Variants in MKLN1 observed in about 807,000 individuals in gnomAD.
The protein encoded by MKLN1 is muskelin.
Under a neutral mutation model 99.0 loss-of-function variants are expected in MKLN1, and 18 were observed. The observed-to-expected ratio is 0.18, with a 90% CI of 0.13 to 0.27. MKLN1 has a LOEUF of 0.27. Ranked by LOEUF, MKLN1 falls within the 10% of genes least tolerant of loss-of-function variation. MKLN1 has a pLI of 1.00. For missense variants in MKLN1, 621 were observed against 875.9 expected (o/e 0.71, Z 3.67); for synonymous variants, 288 against 293.2 (o/e 0.98, Z 0.18).
intron 4 of MKLN1, among the ~76,000 whole-genome samples, chr7:131,394,352 C>T (rs1794296034): frequency 6.6e-6 from 1 of 151,870 alleles, no homozygotes; most frequent in Non-Finnish European, 1.5e-5. Context: ...TTCTGTGGAC[C>T]CAGAAGTTGG....
chr7:131,387,336 C>A, intron 3 of MKLN1, 74 bp downstream of exon 3: 1 of 1,373,676 alleles, frequency 7.3e-7, no homozygotes. Flanking sequence ...AGCTAATCTG[C>A]ATGGTTTGAT....
chr7:131,487,547 C>T lies in MKLN1; in HGVS notation c.2087-60C>T. ...TAAAATACATTGCTGCTGGTCTCAA[C>T]TAGTTTTTCTGTTACATGTTTTAAA... On this transcript the variant is annotated intron_variant, in intron 17 of 17. Transcript: ENST00000352689. This position sits in a 1 kb window ranked among gnomAD's most constrained non-coding sequence, Gnocchi z 4.7. 6.4e-7 allele frequency: 1 copy of T among 1,560,572 alleles called. No homozygotes were observed.
intron 3 of MKLN1, among the ~76,000 whole-genome samples, chr7:131,322,865 C>T (rs1267911498): frequency 1.3e-5 from 2 of 152,132 alleles, no homozygotes; most frequent in South Asian, 2.1e-4. Context: ...CCACCGCGCC[C>T]GGCCACTGCC....
intron 12 of MKLN1, among the ~76,000 whole-genome samples, chr7:131,448,042 C>A (rs1365667749): frequency 6.6e-6 from 1 of 152,104 alleles, no homozygotes; most frequent in Non-Finnish European, 1.5e-5. Context: ...TCCTGGCTAA[C>A]GTGGTGAAAC....
At chr7:131,174,173 T>C (rs190621436) in intron 2 of MKLN1, among the ~76,000 whole-genome samples, 21 of 152,138 alleles carry the variant, frequency 1.4e-4, no homozygotes, top group Admixed American at 4.6e-4. Flanking sequence ...GGGGTTTCAC[T>C]GTGTTAACCA....
chr7:131,116,044 G>A (rs191012995), intron 1 of MKLN1, among the ~76,000 whole-genome samples: 1,682 of 152,250 alleles, frequency 0.011, 20 homozygotes, highest in Non-Finnish European at 0.017. Flanking sequence ...GGTGGCTCAC[G>A]CCTGTAATCC....
At chr7:131,315,464 A>C (rs1798648647) in intron 3 of MKLN1, among the ~76,000 whole-genome samples, 1 of 152,198 alleles carries the variant, frequency 6.6e-6, no homozygotes, top group Admixed American at 6.5e-5. Flanking sequence ...TTTCAAGCAC[A>C]AAACCAGGAG....
chr7:131,224,542 CT>C (rs1163284204), intron 3 of MKLN1, among the ~76,000 whole-genome samples: 2 of 151,486 alleles, frequency 1.3e-5, no homozygotes, highest in African/African-American at 4.9e-5. Context: ...GAGACTCCTT[CT>C]CAAAAAATAA....
At chr7:131,275,549 ATATATATATATATATATATTTTTTTT>A (rs1563275581) in intron 3 of MKLN1, among the ~76,000 whole-genome samples, 5 of 12,504 alleles carry the variant, frequency 4.0e-4, no homozygotes, top group African/African-American at 1.4e-3. Context: ...ATATATATAT[ATATATATATATATATATATTTTTTTT>A]TTTTTTTTTT....
rs1236087921 is a variant in MKLN1 at position 131,452,560 on chromosome 7, T to TG, written c.1525+6657_1525+6658insG. The stretch of plus-strand genomic sequence containing the variant: ...CCTTTTATACTTTTTTTTTTTTTTT[T>TG]TTTTTTTTTGAGATGGAGTCCCGCC... On this transcript the variant is annotated intron_variant, in intron 12 of 17. Transcript: ENST00000352689. Among the ~76,000 whole-genome samples the TG allele has an allele frequency of 7.9e-5, 11 of 138,474 alleles. No individual in the cohort carries two copies. In the East Asian group the frequency reaches 2.2e-3, roughly 28 times the overall value. The allele number at this position is 138,474 out of a possible 152,430, so 90.8% of individuals were successfully genotyped here. A position where few individuals can be genotyped will look rare whatever the true frequency, so the allele number is the denominator to read the frequency against.
intron 3 of MKLN1, among the ~76,000 whole-genome samples, chr7:131,275,567 A>ATTTTTTTTTTTTT (rs869119196): frequency 1.8e-4 from 1 of 5,618 alleles, no homozygotes; most frequent in Non-Finnish European, 3.9e-4. Flanking sequence ...ATATATATAT[A>ATTTTTTTTTTTTT]TTTTTTTTTT....
chr7:131,349,762 G>T (rs1220737747), intron 1 of MKLN1, among the ~76,000 whole-genome samples: 1 of 152,074 alleles, frequency 6.6e-6, no homozygotes, highest in African/African-American at 2.4e-5. Flanking sequence ...TTTGTTTTGG[G>T]GAGACACCAA....
chr7:131,434,334 A>G (rs1433910450), intron 9 of MKLN1, among the ~76,000 whole-genome samples: 1 of 152,010 alleles, frequency 6.6e-6, no homozygotes, highest in Non-Finnish European at 1.5e-5. Flanking sequence ...ATATCAGTGT[A>G]TTTTGCTTTT....
chr7:131,209,943 A>T (rs1353722916), intron 3 of MKLN1, among the ~76,000 whole-genome samples: 1 of 151,920 alleles, frequency 6.6e-6, no homozygotes, highest in African/African-American at 2.4e-5. Flanking sequence ...ACGATAAAGT[A>T]GAAAAAAAAA....
intron 17 of MKLN1, among the ~76,000 whole-genome samples, chr7:131,482,439 A>G (rs1427991679): frequency 6.6e-6 from 1 of 152,090 alleles, no homozygotes; most frequent in Non-Finnish European, 1.5e-5. Context: ...TTTGGTCCTC[A>G]CAACTCTTTT....
chr7:131,487,180 T>C lies in MKLN1; in HGVS notation c.2087-427T>C, dbSNP rs1006954089. 3.9e-5 allele frequency among the ~76,000 whole-genome samples: 6 copies of C among 152,170 alleles called. No individual in the cohort carries two copies. The highest frequency in any genetic ancestry group is 8.8e-5 in the Non-Finnish European group (6 of 68,018). On this transcript the variant is annotated intron_variant, in intron 17 of 17. Coordinates refer to ENST00000352689, the MANE Select transcript of MKLN1 (RefSeq NM_013255.5). This position sits in a 1 kb window ranked among gnomAD's most constrained non-coding sequence, Gnocchi z 4.7. ...TTATATTTTTGTTACTAAAAAACTT[T>C]TTTAGTGGTTCAGAAGCATTAACAA...
intron 3 of MKLN1, among the ~76,000 whole-genome samples, chr7:131,248,342 C>T (rs1313428350): frequency 6.6e-6 from 1 of 152,176 alleles, no homozygotes; most frequent in East Asian, 1.9e-4. Flanking sequence ...ATGTAACTCT[C>T]AGCCAGCTAG....
chr7:131,275,200 A>G (rs1284063227), intron 3 of MKLN1, among the ~76,000 whole-genome samples: 4 of 152,026 alleles, frequency 2.6e-5, no homozygotes, highest in African/African-American at 9.7e-5. Context: ...TCCAGGTTGC[A>G]GTCAATTCTT....
At chr7:131,254,922 A>T (rs1328397692) in intron 3 of MKLN1, among the ~76,000 whole-genome samples, 1 of 151,850 alleles carries the variant, frequency 6.6e-6, no homozygotes, top group Admixed American at 6.6e-5. Context: ...TAGAAAGAAG[A>T]TCTCTGTTGC....
Sources: gnomAD v4.1 joint callset for allele counts (sites outside exome capture counted in the v4.1 genomes callset) on GRCh38, gnomAD v4.1.1 for gene constraint, Gnocchi (gnomAD v3.1) non-coding constraint, MANE v1.5 for transcripts, NCBI Gene and HGNC (gene_info 2026-07-23, HGNC 2026-07-21) for gene names.